Variants in DLC1 observed in about 807,000 individuals in gnomAD.
DLC1 encodes rho GTPase-activating protein 7.
In DLC1, 54 loss-of-function variants were observed where a neutral mutation model predicts 140.3. The ratio of observed to expected loss-of-function variants is 0.38; its 90% CI spans 0.31 to 0.48. The LOEUF (loss-of-function observed/expected upper bound fraction) is 0.48, where lower values mean the gene tolerates loss of function less well. Among genes scored for constraint, DLC1 ranks in the 20% least tolerant of loss-of-function variants. The pLI is 0.96. For synonymous variants in DLC1, 986 were observed against 728.1 expected, an observed-to-expected ratio of 1.35 and a Z score of -5.70; for missense variants, 2,536 against 1,907.0, an observed-to-expected ratio of 1.33 and a Z score of -6.14.
chr8:13,296,621 AT>A (rs1316031433), intron 5 of DLC1, among the ~76,000 whole-genome samples: 3 of 152,212 alleles, frequency 2.0e-5, no homozygotes, highest in African/African-American at 7.2e-5. Context: ...CATCTACCAA[AT>A]AAACAGATTG....
intron 4 of DLC1, among the ~76,000 whole-genome samples, chr8:13,313,316 A>C (rs1832753200): frequency 6.6e-6 from 1 of 152,194 alleles, no homozygotes; most frequent in Non-Finnish European, 1.5e-5. Context: ...AATTGCAGAA[A>C]AGAAATTGAA....
At chr8:13,156,935 T>C (rs922803837) in intron 5 of DLC1, among the ~76,000 whole-genome samples, 1 of 152,204 alleles carries the variant, frequency 6.6e-6, no homozygotes, top group Admixed American at 6.5e-5. Context: ...GATTTTTTTT[T>C]CCGAGTATGA....
At chr8:13,171,737 A>G (rs1327723415) in intron 5 of DLC1, among the ~76,000 whole-genome samples, 1 of 152,146 alleles carries the variant, frequency 6.6e-6, no homozygotes, top group African/African-American at 2.4e-5. Flanking sequence ...GTGGACTTCT[A>G]TGTACAGCTG....
chr8:13,490,988 TAC>T (rs1554530606), intron 2 of DLC1, among the ~76,000 whole-genome samples: 1 of 147,256 alleles, frequency 6.8e-6, no homozygotes, highest in African/African-American at 2.5e-5. Context: ...AATATATATA[TAC>T]ACACACACAC....
intron 5 of DLC1, among the ~76,000 whole-genome samples, chr8:13,200,235 A>T (rs1391692217): frequency 2.0e-5 from 3 of 149,384 alleles, no homozygotes; most frequent in African/African-American, 4.9e-5. Flanking sequence ...GTATATATAT[A>T]TTTTTTTTAG....
chr8:13,427,497 A>G (rs545838465), intron 2 of DLC1, among the ~76,000 whole-genome samples: 1 of 152,330 alleles, frequency 6.6e-6, no homozygotes, highest in Non-Finnish European at 1.5e-5. Flanking sequence ...TGAAGATTTA[A>G]AAGCATCCCT....
rs1340005514 is a variant in DLC1, at chr8:13,533,069, G to A, written c.-125-32873C>T. ...AAATGGGAGTATTATTAGTTGAAAC[G>A]CTATGTGTCATTAGTAATGCTTACA... On this transcript the variant is annotated intron_variant, in intron 1 of 1. Coordinates refer to the DLC1 transcript ENST00000631382. Among the ~76,000 whole-genome samples the A allele has an allele frequency of 2.6e-5, 4 of 152,102 alleles. No homozygotes were observed. The East Asian group carries it at 5.8e-4, about 22-fold the overall frequency.
rs1817367777 is a variant in DLC1, at chr8:13,084,165, G to C, written c.*1646C>G. On this transcript the variant is annotated 3_prime_UTR_variant, in exon 18 of 18. Coordinates refer to ENST00000276297, the MANE Select transcript of DLC1 (RefSeq NM_182643.3). ...TTTATCTATGTTTGAAAGCACAGTG[G>C]ACATGTTTCTTAATAGAATGGTATA... 1 of 152,484 alleles carries C rather than the reference G, an allele frequency of 6.6e-6. No individual in the cohort carries two copies. The highest frequency in any genetic ancestry group is 6.5e-5 in the Admixed American group (1 of 15,268). 9.4% of individuals were successfully genotyped at this position (152,484 alleles called of 1,614,324 possible).
At chr8:13,317,251 A>G (rs1353900955) in intron 4 of DLC1, among the ~76,000 whole-genome samples, 1 of 152,244 alleles carries the variant, frequency 6.6e-6, no homozygotes, top group Non-Finnish European at 1.5e-5. Flanking sequence ...GTTTGTAAAC[A>G]TAGATGGGAG....
rs3739298 is a variant in DLC1, at chr8:13,100,516, C to T, written c.1821G>A (p.Ala607=). 1.2e-6 allele frequency: 2 copies of T among 1,611,826 alleles called. No homozygotes were observed. Among genetic ancestry groups the T allele is most frequent in the Middle Eastern group, 1.7e-4 (1 of 6,052 alleles). Residue 607 remains alanine, a synonymous_variant, in exon 9 of 18, where the codon GCG becomes GCA. Transcript: ENST00000276297. ...GGGTGGCAGCATCCTCGCTGGGGGGCGCGTGGCTGGGGAGGCTGCCAGTGC... is the reference window on the plus strand; with the variant it reads ...GGGTGGCAGCATCCTCGCTGGGGGGTGCGTGGCTGGGGAGGCTGCCAGTGC... The part of the protein sequence containing the change: ...LSSTGSLPSH[A]PPSEDAATPR...
chr8:13,179,267 G>A (rs764529591), intron 5 of DLC1, among the ~76,000 whole-genome samples: 17 of 151,894 alleles, frequency 1.1e-4, no homozygotes, highest in Non-Finnish European at 2.4e-4. Context: ...TAGTGACTGG[G>A]AGGTGGGGGG....
intron 2 of DLC1, among the ~76,000 whole-genome samples, chr8:13,481,604 T>A (rs1490917344): frequency 6.6e-6 from 1 of 152,216 alleles, no homozygotes; most frequent in East Asian, 1.9e-4. Context: ...TCCATTAGAA[T>A]GTAAGTTTCT....
intron 5 of DLC1, among the ~76,000 whole-genome samples, chr8:13,128,389 G>A (rs1821766317): frequency 1.3e-5 from 2 of 152,146 alleles, no homozygotes; most frequent in South Asian, 4.1e-4. Flanking sequence ...CCCCATGGAG[G>A]GGACTCACAA....
Position 13,307,336 on chromosome 8 carries a change from T to C in DLC1, c.1315-2034A>G, listed in dbSNP as rs534426294. On this transcript the variant is annotated intron_variant, in intron 4 of 17. Transcript: ENST00000276297. ...GGCTGCCAGCATTTCCTGGGCATTC[T>C]TTCATTTGTTAAGAAGTCATCTGAC... is the stretch of plus-strand genomic sequence containing the variant. Among the ~76,000 whole-genome samples, 7 of 152,312 alleles carry C rather than the reference T, an allele frequency of 4.6e-5. No individual in the cohort carries two copies. The South Asian group carries it at 1.2e-3, about 27-fold the overall frequency.
chr8:13,550,094 T>G (rs1036771205), intron 1 of DLC1, among the ~76,000 whole-genome samples: 3 of 152,020 alleles, frequency 2.0e-5, no homozygotes, highest in Non-Finnish European at 4.4e-5. Context: ...ATTGATATGG[T>G]TTGGCTCTTT....
chr8:13,582,491 A>G (rs1349230958), intron 1 of DLC1, among the ~76,000 whole-genome samples: 1 of 152,076 alleles, frequency 6.6e-6, no homozygotes, highest in Non-Finnish European at 1.5e-5. Context: ...AAGCAGGCAG[A>G]AAAATGTGAA....
At chr8:13,436,987 ACCTTTGGTTT>A (rs1839149042) in intron 2 of DLC1, among the ~76,000 whole-genome samples, 1 of 152,182 alleles carries the variant, frequency 6.6e-6, no homozygotes, top group Admixed American at 6.5e-5. Context: ...CTTATTTAAC[ACCTTTGGTTT>A]TGATATTGTC....
chr8:13,321,774 T>A (rs1833135212), intron 4 of DLC1, among the ~76,000 whole-genome samples: 2 of 152,142 alleles, frequency 1.3e-5, no homozygotes, highest in Admixed American at 6.5e-5. Context: ...CAAATATACT[T>A]GTAAAATTGG....
At chr8:13,128,805 A>G (rs1479000191) in intron 5 of DLC1, among the ~76,000 whole-genome samples, 4 of 150,548 alleles carry the variant, frequency 2.7e-5, no homozygotes, top group African/African-American at 9.8e-5. Flanking sequence ...ACTGCACTCC[A>G]GCCTGGGCGA....
Sources: gnomAD v4.1 joint callset for allele counts (sites outside exome capture counted in the v4.1 genomes callset) on GRCh38, gnomAD v4.1.1 for gene constraint, MANE v1.5 for transcripts, NCBI Gene and HGNC (gene_info 2026-07-23, HGNC 2026-07-21) for gene names.